Variants in CPPED1 observed in about 807,000 individuals in gnomAD.
CPPED1 encodes the protein serine/threonine-protein phosphatase CPPED1.
Under a neutral mutation model 28.0 loss-of-function variants are expected in CPPED1, and 28 were observed. The ratio of observed to expected loss-of-function variants is 1.00; its 90% CI spans 0.74 to 1.37. The LOEUF is 1.37. Among genes scored for constraint, CPPED1 ranks in the 40% most tolerant of loss-of-function variants. The pLI is 0.00. For synonymous variants in CPPED1, 198 were observed against 180.2 expected (o/e 1.10, Z -0.79); for missense variants, 504 against 416.5 (o/e 1.21, Z -1.83).
In CPPED1 at chr16:12,670,821, A is replaced by T. The variant is rs2079849281; in HGVS notation, c.716-5706T>A. ...TACGATGACTAAATGTAAATGATCC[A>T]TGTGTTTTTATTTTTTTAATTATTT... On this transcript the variant is annotated intron_variant, in intron 3 of 3. Transcript: ENST00000381774. The surrounding 1 kb of genome is among the most constrained non-coding windows in gnomAD (Gnocchi z 4.2). 6.6e-6 allele frequency among the ~76,000 whole-genome samples: 1 copy of T among 152,134 alleles called. No homozygotes were observed. Among genetic ancestry groups the T allele is most frequent in the African/African-American group, 2.4e-5 (1 of 41,424 alleles).
chr16:12,784,461 T>G (rs2080550864), intron 1 of CPPED1, among the ~76,000 whole-genome samples: 1 of 152,056 alleles, frequency 6.6e-6, no homozygotes, highest in African/African-American at 2.4e-5. Flanking sequence ...GGGTAATTTG[T>G]TACACAGTAA....
chr16:12,773,593 C>T (rs978689237), intron 2 of CPPED1, among the ~76,000 whole-genome samples: 1 of 152,066 alleles, frequency 6.6e-6, no homozygotes, highest in African/African-American at 2.4e-5. Flanking sequence ...CATGGTGGTG[C>T]ACACCTGTAA....
At chr16:12,785,657 G>T (rs796705335) in intron 1 of CPPED1, among the ~76,000 whole-genome samples, 2 of 151,532 alleles carry the variant, frequency 1.3e-5, no homozygotes, top group African/African-American at 4.8e-5. Flanking sequence ...CAAGCTCCTG[G>T]CCTCAAATGA....
intron 2 of CPPED1, among the ~76,000 whole-genome samples, chr16:12,728,065 C>T (rs138993161): frequency 4.7e-4 from 72 of 152,332 alleles, no homozygotes; most frequent in South Asian, 2.5e-3. Context: ...GCTTCCTTCC[C>T]TTGCTGCATG....
intron 2 of CPPED1, among the ~76,000 whole-genome samples, chr16:12,732,465 CAA>C (rs1265282573): frequency 3.2e-5 from 4 of 126,060 alleles, no homozygotes; most frequent in Admixed American, 1.7e-4. Context: ...CACACACACA[CAA>C]ACACACAAAC....
chr16:12,675,048 C>T lies in CPPED1; in HGVS notation c.716-9933G>A, dbSNP rs548687139. ...AGTTATAATCCTGTCCCTTTCATGC[C>T]GACAGGCCACAAGGACCTATAAGAA... is the stretch of plus-strand genomic sequence containing the variant. On this transcript the variant is annotated intron_variant, in intron 3 of 3. Transcript: ENST00000381774. Among the ~76,000 whole-genome samples the T allele has an allele frequency of 2.7e-3, 412 of 152,278 alleles. 4 individuals are homozygous for T. The highest frequency in any genetic ancestry group is 1.3e-3 in the Non-Finnish European group (90 of 68,036).
At chr16:12,793,151 T>C (rs778641523) in intron 1 of CPPED1, among the ~76,000 whole-genome samples, 4 of 152,174 alleles carry the variant, frequency 2.6e-5, no homozygotes, top group Non-Finnish European at 4.4e-5. Context: ...ATGGATCCTG[T>C]TCCTTAAAAC....
Position 12,797,484 on chromosome 16 carries a change from G to A in CPPED1, c.70+6223C>T, listed in dbSNP as rs367628934. Among the ~76,000 whole-genome samples the A allele has an allele frequency of 1.8e-4, 28 of 152,014 alleles. No homozygotes were observed. The South Asian group carries it at 3.5e-3, about 19-fold the overall frequency. ...GATCGAGCATGGCTTGAGCCCAGGAGGGGGAGGCTGCAGTGGGCGGAGATC... is the reference window on the plus strand; with the variant it reads ...GATCGAGCATGGCTTGAGCCCAGGAAGGGGAGGCTGCAGTGGGCGGAGATC... On this transcript the variant is annotated intron_variant, in intron 1 of 3. Coordinates refer to ENST00000381774, the MANE Select transcript of CPPED1 (RefSeq NM_018340.3).
chr16:12,691,073 C>T (rs1809373382), intron 3 of CPPED1, among the ~76,000 whole-genome samples: 3 of 152,208 alleles, frequency 2.0e-5, no homozygotes, highest in Non-Finnish European at 4.4e-5. Flanking sequence ...ACAGCAATGT[C>T]GTTGAGAACA....
At chr16:12,787,265 A>C (rs2080569370) in intron 1 of CPPED1, among the ~76,000 whole-genome samples, 1 of 152,216 alleles carries the variant, frequency 6.6e-6, no homozygotes, top group Non-Finnish European at 1.5e-5. Flanking sequence ...CAAGACTATA[A>C]ACTTTGGAAA....
At chr16:12,691,168 G>T (rs1260795625) in intron 3 of CPPED1, among the ~76,000 whole-genome samples, 1 of 152,234 alleles carries the variant, frequency 6.6e-6, no homozygotes, top group African/African-American at 2.4e-5. Flanking sequence ...AAGCCGATTT[G>T]TCTCCCCACG....
chr16:12,723,709 G>A (rs1490866787), intron 2 of CPPED1, among the ~76,000 whole-genome samples: 1 of 152,208 alleles, frequency 6.6e-6, no homozygotes, highest in Non-Finnish European at 1.5e-5. Flanking sequence ...AGGGACGACA[G>A]TGAGGTGTGG....
chr16:12,717,215 G>A (rs974833600), intron 2 of CPPED1, among the ~76,000 whole-genome samples: 3 of 152,164 alleles, frequency 2.0e-5, no homozygotes, highest in Non-Finnish European at 2.9e-5. Flanking sequence ...TATGTACCAG[G>A]CTAAGTACTC....
chr16:12,770,253 T>C (rs2141232190), intron 2 of CPPED1, among the ~76,000 whole-genome samples: 1 of 152,284 alleles, frequency 6.6e-6, no homozygotes, highest in Admixed American at 6.5e-5. Context: ...AGGCAGATTC[T>C]AAACCCAGGC....
At chr16:12,706,201 C>T (rs149622152) in intron 2 of CPPED1, among the ~76,000 whole-genome samples, 129 of 151,818 alleles carry the variant, frequency 8.5e-4, no homozygotes, top group African/African-American at 3.0e-3. Context: ...GGAATAAAAT[C>T]ACACACAAAT....
intron 2 of CPPED1, among the ~76,000 whole-genome samples, chr16:12,736,944 C>A (rs2080229759): frequency 6.6e-6 from 1 of 152,068 alleles, no homozygotes; most frequent in South Asian, 2.1e-4. Context: ...AATCCCAGCA[C>A]CTTGGGAGGC....
chr16:12,669,511 T>C (rs751862081), intron 3 of CPPED1, among the ~76,000 whole-genome samples: 5 of 151,950 alleles, frequency 3.3e-5, no homozygotes, highest in African/African-American at 9.7e-5. Flanking sequence ...ATGCAAAAAA[T>C]TTACAGGAAG....
At position 12,670,376 on chromosome 16, in the gene CPPED1, C is replaced by T. The variant is rs1339616967; in HGVS notation, c.716-5261G>A. On this transcript the variant is annotated intron_variant, in intron 3 of 3. Coordinates refer to ENST00000381774, the MANE Select transcript of CPPED1 (RefSeq NM_018340.3). The surrounding 1 kb of genome is among the most constrained non-coding windows in gnomAD (Gnocchi z 4.2). ...ATAAATGGTAGGGGGAGAAACATCT[C>T]CTACACACAGAAGAGTAACAAATAA... 6.6e-6 allele frequency among the ~76,000 whole-genome samples: 1 copy of T among 152,134 alleles called. No individual in the cohort carries two copies. Among genetic ancestry groups the T allele is most frequent in the Non-Finnish European group, 1.5e-5 (1 of 68,014 alleles).
chr16:12,743,609 C>T (rs1449530736), intron 2 of CPPED1, among the ~76,000 whole-genome samples: 2 of 152,176 alleles, frequency 1.3e-5, no homozygotes, highest in Non-Finnish European at 2.9e-5. Context: ...ACACAAAGTA[C>T]TCTAAGTTAC....
Sources: allele counts gnomAD v4.1 joint callset (sites outside exome capture counted in the v4.1 genomes callset), GRCh38; gene constraint gnomAD v4.1.1; non-coding constraint Gnocchi (gnomAD v3.1); transcripts MANE v1.5; gene names NCBI Gene and HGNC (gene_info 2026-07-23, HGNC 2026-07-21).